The following BRINP3 variants were observed in gnomAD, a reference collection of about 807,000 sequenced individuals.
BRINP3 encodes the protein BMP/retinoic acid inducible neural specific 3, also known as BMP/retinoic acid-inducible neural-specific protein 3.
Under a neutral mutation model 71.0 loss-of-function variants are expected in BRINP3, and 19 were observed. That is an observed-to-expected ratio of 0.27 (90% CI 0.19 to 0.39). The LOEUF is 0.39. Ranked by LOEUF, BRINP3 falls within the 10% of genes least tolerant of loss-of-function variation. The probability of loss-of-function intolerance (pLI) is 1.00; values close to 1 mark genes in which losing one functional copy is unlikely to be tolerated. For synonymous variants in BRINP3, 380 were observed against 337.7 expected (o/e 1.13, Z -1.37); for missense variants, 959 against 940.8 (o/e 1.02, Z -0.25).
chr1:190,384,545 C>T (rs896318395), intron 2 of BRINP3, among the ~76,000 whole-genome samples: 6 of 151,650 alleles, frequency 4.0e-5, no homozygotes, highest in Non-Finnish European at 8.8e-5. Context: ...GGAGCTTAGT[C>T]TATAGAAATA....
chr1:190,460,010 G>A (rs1446135981), intron 1 of BRINP3, among the ~76,000 whole-genome samples: 1 of 151,784 alleles, frequency 6.6e-6, no homozygotes, highest in African/African-American at 2.4e-5. Context: ...AAAATTGGCT[G>A]ATTTGCCCAA....
At chr1:190,161,810 A>G (rs931096393) in intron 6 of BRINP3, among the ~76,000 whole-genome samples, 3 of 152,222 alleles carry the variant, frequency 2.0e-5, no homozygotes, top group Non-Finnish European at 4.4e-5. Flanking sequence ...AGCCATAACA[A>G]TGAATAAAGT....
chr1:190,149,859 C>T (rs1278441940), intron 7 of BRINP3, among the ~76,000 whole-genome samples: 1 of 152,154 alleles, frequency 6.6e-6, no homozygotes, highest in Non-Finnish European at 1.5e-5. Flanking sequence ...ACAACCACCA[C>T]AGCAAACTGA....
chr1:190,301,733 G>C (rs1433796352), intron 2 of BRINP3, among the ~76,000 whole-genome samples: 1 of 151,888 alleles, frequency 6.6e-6, no homozygotes, highest in African/African-American at 2.4e-5. Flanking sequence ...TAAAGGTAGA[G>C]TTTTCTAAGA....
chr1:190,109,203 A>G lies in BRINP3; in HGVS notation c.1185-10069T>C, dbSNP rs183468762. Among the ~76,000 whole-genome samples the G allele has an allele frequency of 5.3e-5, 8 of 152,330 alleles. No individual in the cohort carries two copies. In the East Asian group the frequency reaches 1.5e-3, roughly 29 times the overall value. The stretch of plus-strand genomic sequence containing the variant: ...TCTTTGGAGGATAAAAAGAAGCCAC[A>G]TCATATGTAAATAATTGCTAAAACC... On this transcript the variant is annotated intron_variant, in intron 7 of 7. Coordinates refer to ENST00000367462, the MANE Select transcript of BRINP3 (RefSeq NM_199051.3).
At chr1:190,194,788 T>C (rs1654335225) in intron 6 of BRINP3, among the ~76,000 whole-genome samples, 2 of 152,204 alleles carry the variant, frequency 1.3e-5, no homozygotes, top group East Asian at 1.9e-4. Context: ...AGCTTCAGTA[T>C]GGATTTTTAA....
intron 6 of BRINP3, among the ~76,000 whole-genome samples, chr1:190,199,011 G>A (rs899292827): frequency 1.5e-4 from 19 of 128,970 alleles, no homozygotes; most frequent in African/African-American, 5.7e-4. Context: ...TGGATTCACA[G>A]TTCCACATGC....
chr1:190,229,380 G>C (rs1456704733), intron 5 of BRINP3, among the ~76,000 whole-genome samples: 1 of 151,916 alleles, frequency 6.6e-6, no homozygotes, highest in Non-Finnish European at 1.5e-5. Flanking sequence ...GCTCCTCCTT[G>C]CCTCTGTCAT....
chr1:190,100,397 T>A (rs946050342), intron 7 of BRINP3, among the ~76,000 whole-genome samples: 11 of 152,322 alleles, frequency 7.2e-5, no homozygotes, highest in Non-Finnish European at 2.9e-5. Context: ...TCATTACATA[T>A]AATACCCATT....
chr1:190,342,966 A>G (rs1667765652), intron 2 of BRINP3, among the ~76,000 whole-genome samples: 1 of 151,996 alleles, frequency 6.6e-6, no homozygotes, highest in East Asian at 1.9e-4. Context: ...TTTGAATACA[A>G]GTTTAAGGAG....
intron 3 of BRINP3, among the ~76,000 whole-genome samples, chr1:190,271,922 A>C (rs182853013): frequency 6.6e-6 from 1 of 151,688 alleles, no homozygotes; most frequent in African/African-American, 2.4e-5. Flanking sequence ...ATACAACTGG[A>C]AAGTGACACA....
rs146452182 is a variant in BRINP3, at chr1:190,433,335, A to T, written c.236+21320T>A. On this transcript the variant is annotated intron_variant, in intron 2 of 7. Coordinates refer to ENST00000367462, the MANE Select transcript of BRINP3 (RefSeq NM_199051.3). The stretch of plus-strand genomic sequence containing the variant: ...CCCACTGCATTTGGAATAATACCTG[A>T]ACTTAACTGTGGCATTGAAAGCCTC... Among the ~76,000 whole-genome samples the T allele has an allele frequency of 4.6e-5, 7 of 152,290 alleles. No individual in the cohort carries two copies. The East Asian group carries it at 1.4e-3, about 29-fold the overall frequency.
rs547478516 is a variant in BRINP3, at chr1:190,289,748, T to A, written c.237-7998A>T. ...AACTTCTTAAATATTACCTGCTTCA[T>A]ATGAACTTCAAAGACACTAACAATA... On this transcript the variant is annotated intron_variant, in intron 2 of 7. Coordinates refer to ENST00000367462, the MANE Select transcript of BRINP3 (RefSeq NM_199051.3). Among the ~76,000 whole-genome samples the A allele has an allele frequency of 5.3e-5, 8 of 152,134 alleles. No individual in the cohort carries two copies. In the East Asian group the frequency reaches 1.4e-3, roughly 26 times the overall value.
chr1:190,287,320 A>T (rs1271935613), intron 2 of BRINP3, among the ~76,000 whole-genome samples: 1 of 152,164 alleles, frequency 6.6e-6, no homozygotes, highest in Non-Finnish European at 1.5e-5. Flanking sequence ...AATGTTTTAA[A>T]TGGCCTGGAT....
At chr1:190,260,241 T>G (rs562876139) in intron 4 of BRINP3, among the ~76,000 whole-genome samples, 2 of 152,088 alleles carry the variant, frequency 1.3e-5, no homozygotes, top group South Asian at 4.1e-4. Flanking sequence ...ATGAAGATTA[T>G]AGTTAAAAAT....
chr1:190,430,839 A>C (rs944280326), intron 2 of BRINP3, among the ~76,000 whole-genome samples: 1 of 152,156 alleles, frequency 6.6e-6, no homozygotes, highest in Non-Finnish European at 1.5e-5. Flanking sequence ...TCACTGTTGG[A>C]GTCAACCTAT....
At chr1:190,325,286 G>C (rs1666505799) in intron 2 of BRINP3, among the ~76,000 whole-genome samples, 1 of 151,904 alleles carries the variant, frequency 6.6e-6, no homozygotes, top group Non-Finnish European at 1.5e-5. Flanking sequence ...GTAGATTCAA[G>C]AGAGGATTAA....
In BRINP3 at chr1:190,233,205, C is replaced by T. The variant is rs138733333; in HGVS notation, c.724+1167G>A. On this transcript the variant is annotated intron_variant, in intron 5 of 7. Coordinates refer to ENST00000367462, the MANE Select transcript of BRINP3 (RefSeq NM_199051.3). ...GCAGTGTCGCATGGACAGTGATGTGCGGTGTGGACAGCGATGTCCAGGCTG... is the reference window on the plus strand; with the variant it reads ...GCAGTGTCGCATGGACAGTGATGTGTGGTGTGGACAGCGATGTCCAGGCTG... 2.8e-4 allele frequency among the ~76,000 whole-genome samples: 42 copies of T among 151,964 alleles called. No homozygotes were observed. The East Asian group carries it at 5.0e-3, about 18-fold the overall frequency.
At chr1:190,161,673 A>G (rs1650976051) in intron 6 of BRINP3, among the ~76,000 whole-genome samples, 1 of 152,114 alleles carries the variant, frequency 6.6e-6, no homozygotes, top group South Asian at 2.1e-4. Context: ...AATAAAGAAG[A>G]GCTAATAAAT....
Sources: allele counts gnomAD v4.1 joint callset (sites outside exome capture counted in the v4.1 genomes callset), GRCh38; gene constraint gnomAD v4.1.1; transcripts MANE v1.5; gene names NCBI Gene and HGNC (gene_info 2026-07-23, HGNC 2026-07-21).